RPS6KA1: variants seen among roughly 807,000 people sequenced by gnomAD.
The protein encoded by RPS6KA1 is ribosomal protein S6 kinase A1.
Under a neutral mutation model 91.3 loss-of-function variants are expected in RPS6KA1, and 48 were observed. The ratio of observed to expected loss-of-function variants is 0.53; its 90% CI spans 0.42 to 0.67. The LOEUF is 0.67. Ranked by LOEUF, RPS6KA1 falls within the 30% of genes least tolerant of loss-of-function variation. RPS6KA1 has a pLI of 0.00. For synonymous variants in RPS6KA1, 359 were observed against 384.7 expected (o/e 0.93, Z 0.78); for missense variants, 719 against 960.5 (o/e 0.75, Z 3.32).
intron 14 of RPS6KA1, among the ~76,000 whole-genome samples, chr1:26,559,526 C>G (rs2076135827): frequency 6.6e-6 from 1 of 151,554 alleles, no homozygotes; most frequent in Non-Finnish European, 1.5e-5. Context: ...ACCACCACAC[C>G]CAGCTAATTT....
chr1:26,550,269 GC>G (rs2076038065), intron 4 of RPS6KA1, among the ~76,000 whole-genome samples: 1 of 143,140 alleles, frequency 7.0e-6, no homozygotes, highest in Non-Finnish European at 1.5e-5. Flanking sequence ...TGCAACCTCC[GC>G]CTCCTGGGTT....
chr1:26,542,887 C>T (rs1356366773), intron 2 of RPS6KA1, among the ~76,000 whole-genome samples: 4 of 152,158 alleles, frequency 2.6e-5, no homozygotes, highest in Admixed American at 2.6e-4. Flanking sequence ...GCGTTATCGC[C>T]TTGTGACTTT....
chr1:26,571,828 C>T lies in RPS6KA1; in HGVS notation c.1753-21C>T. 6.2e-7 allele frequency: 1 copy of T among 1,604,724 alleles called. No homozygotes were observed. The highest frequency in any genetic ancestry group is 1.1e-5 in the South Asian group (1 of 90,852). ...TTCTACTGCCCCCCCAGACTGACCA[C>T]CTCCCCTGCCCTGTTGCCAGGTGCT... On this transcript the variant is annotated intron_variant, in intron 18 of 21. Transcript: ENST00000374168. The surrounding 1 kb of genome is among the most constrained non-coding windows in gnomAD (Gnocchi z 5.1).
intron 2 of RPS6KA1, among the ~76,000 whole-genome samples, chr1:26,546,351 A>T (rs1178599860): frequency 6.6e-6 from 1 of 152,190 alleles, no homozygotes; most frequent in Non-Finnish European, 1.5e-5. Flanking sequence ...GACCTGCCCC[A>T]GGCCAGCACT....
intron 17 of RPS6KA1, among the ~76,000 whole-genome samples, chr1:26,563,279 TGC>T (rs1212787181): frequency 6.6e-6 from 1 of 152,222 alleles, no homozygotes; most frequent in African/African-American, 2.4e-5. Context: ...CAGGCTGGAA[TGC>T]AGTGACACAA....
At chr1:26,530,639 C>A (rs538237052) in intron 1 of RPS6KA1, 1 of 728,168 alleles carries the variant, frequency 1.4e-6, no homozygotes, top group East Asian at 7.0e-5. Flanking sequence ...GACCTTGGTG[C>A]CTGCCTCCCT....
chr1:26,552,268 A>G (rs572114524), intron 6 of RPS6KA1, among the ~76,000 whole-genome samples: 5 of 151,272 alleles, frequency 3.3e-5, no homozygotes, highest in African/African-American at 9.7e-5. Context: ...TGTGCCTGTA[A>G]TCCCAGCTAC....
intron 21 of RPS6KA1, among the ~76,000 whole-genome samples, 180 bp from the exon 22 acceptor site, chr1:26,573,898 AT>A (rs2076272453): frequency 6.6e-6 from 1 of 151,508 alleles, no homozygotes; most frequent in Admixed American, 6.6e-5. Context: ...AGATTGTGCC[AT>A]TGCGTTCCAG....
At chr1:26,572,796 G>T (rs930052271) in intron 20 of RPS6KA1, among the ~76,000 whole-genome samples, 3 of 152,112 alleles carry the variant, frequency 2.0e-5, no homozygotes, top group Non-Finnish European at 4.4e-5. Context: ...CTCTATGTAC[G>T]GCCGGCCACC....
chr1:26,572,727 T>C (rs2076260408), intron 20 of RPS6KA1, among the ~76,000 whole-genome samples: 1 of 152,152 alleles, frequency 6.6e-6, no homozygotes, highest in Non-Finnish European at 1.5e-5. Flanking sequence ...CATGTGAGCT[T>C]TCAGTATTAG....
rs761395639 is a variant in RPS6KA1, at chr1:26,560,747, G to A, written c.1237G>A (p.Val413Ile). The change falls in exon 15 of 22, where the codon GTT (valine) becomes ATT (isoleucine). Residue 413 changes from valine (V) to isoleucine (I), a missense_variant. Physicochemically the swap from Val to Ile is conservative, Grantham distance 29. This residue lies in a region of RPS6KA1 where 228 missense variants were observed against 247.6 expected (regional missense o/e 0.92). Transcript: ENST00000374168. ...VVQQLHGKNL[V>I]FSDGYVVKET... Reference sequence around the variant, plus strand: ...ACAGCAACTCCATGGGAAGAACCTGGTTTTTAGTGACGGCTACGTGGTAAA... The same window carrying A: ...ACAGCAACTCCATGGGAAGAACCTGATTTTTAGTGACGGCTACGTGGTAAA... 22 of 1,614,096 alleles carry A rather than the reference G, an allele frequency of 1.4e-5. No homozygotes were observed. In the South Asian group the frequency reaches 2.4e-4, roughly 18 times the overall value.
rs559996196 is a variant in RPS6KA1, at chr1:26,573,427, G to T, written c.2085+66G>T. Reference sequence around the variant, plus strand: ...CCCAAGGTGGCATGGTCAGGGACTTGTGGAAGAGCCAGGCAATGCCATGTC... The same window carrying T: ...CCCAAGGTGGCATGGTCAGGGACTTTTGGAAGAGCCAGGCAATGCCATGTC... On this transcript the variant is annotated intron_variant, in intron 21 of 21. Coordinates refer to ENST00000374168, the MANE Select transcript of RPS6KA1 (RefSeq NM_002953.4). 407 of 1,584,406 alleles carry T rather than the reference G, an allele frequency of 2.6e-4. 1 individual carries two copies. Among genetic ancestry groups the T allele is most frequent in the Non-Finnish European group, 3.3e-4 (384 of 1,157,586 alleles).
At chr1:26,531,221 T>C (rs1473355199) in intron 1 of RPS6KA1, 1 of 155,724 alleles carries the variant, frequency 6.4e-6, no homozygotes, top group Non-Finnish European at 1.4e-5. Context: ...TTGGAGTAAA[T>C]TGCTCTGGGA....
Position 26,555,682 on chromosome 1 carries a change from C to A in RPS6KA1, c.916+57C>A. 6.7e-7 allele frequency: 1 copy of A among 1,497,704 alleles called. No individual in the cohort carries two copies. Among genetic ancestry groups the A allele is most frequent in the Non-Finnish European group, 9.1e-7 (1 of 1,097,198 alleles). The allele number at this position is 1,497,704 out of a possible 1,614,324, so 92.8% of individuals were successfully genotyped here. A position where few individuals can be genotyped will look rare whatever the true frequency, so the allele number is the denominator to read the frequency against. On this transcript the variant is annotated intron_variant, in intron 11 of 21. Coordinates refer to ENST00000374168, the MANE Select transcript of RPS6KA1 (RefSeq NM_002953.4). This position sits in a 1 kb window ranked among gnomAD's most constrained non-coding sequence, Gnocchi z 4.3. ...GGCGATGGGGAGCCGGGTACAGCTGCAGCCTAGGCCACAGGGCCACATCTG... is the reference window on the plus strand; with the variant it reads ...GGCGATGGGGAGCCGGGTACAGCTGAAGCCTAGGCCACAGGGCCACATCTG...
Position 26,561,141 on chromosome 1 carries a change from G to A in RPS6KA1, c.1431+7G>A. 6.2e-7 allele frequency: 1 copy of A among 1,611,634 alleles called. No individual in the cohort carries two copies. On this transcript the variant is annotated splice_region_variant and intron_variant, in intron 16 of 21. Coordinates refer to ENST00000374168, the MANE Select transcript of RPS6KA1 (RefSeq NM_002953.4). This position sits in a 1 kb window ranked among gnomAD's most constrained non-coding sequence, Gnocchi z 5.7. ...CATCATCACTCTGAAAGATGTGAGTGGGGGTCCTTAAGACTGGGGTGGGGA... is the reference window on the plus strand; with the variant it reads ...CATCATCACTCTGAAAGATGTGAGTAGGGGTCCTTAAGACTGGGGTGGGGA...
chr1:26,573,422 G>A, intron 21 of RPS6KA1, 61 bp downstream of exon 21: 2 of 1,598,968 alleles, frequency 1.3e-6, no homozygotes, highest in East Asian at 4.5e-5. Flanking sequence ...CATGGTCAGG[G>A]ACTTGTGGAA....
In RPS6KA1 at chr1:26,561,284, C is replaced by A; in HGVS notation, c.1431+150C>A. The A allele has an allele frequency of 1.1e-6, 1 of 910,378 alleles. No individual in the cohort carries two copies. Among genetic ancestry groups the A allele is most frequent in the Non-Finnish European group, 1.7e-6 (1 of 591,688 alleles). 56.4% of individuals were successfully genotyped at this position (910,378 alleles called of 1,614,324 possible). On this transcript the variant is annotated intron_variant, in intron 16 of 21. Transcript: ENST00000374168. The surrounding 1 kb of genome is among the most constrained non-coding windows in gnomAD (Gnocchi z 5.7). ...CCTTGGTCCCTTCAGTCTGCCCATA[C>A]CCCAAGGGCCCTCCTTCAGACTCAG...
In RPS6KA1 at chr1:26,558,850, C is replaced by T. The variant is rs774051532; in HGVS notation, c.1128C>T (p.Phe376=). The T allele has an allele frequency of 6.2e-7, 1 of 1,613,780 alleles. No individual in the cohort carries two copies. The highest frequency in any genetic ancestry group is 1.1e-5 in the South Asian group (1 of 91,058). ...CCAGCGCTGGGGCCCATCAGCTGTT[C>T]CGGGGCTTCAGCTTCGTGGCCACCG... is the stretch of plus-strand genomic sequence containing the variant. The part of the protein sequence containing the change: ...IPPSAGAHQL[F]RGFSFVATGL... Residue 376 remains phenylalanine (F), a synonymous_variant, in exon 14 of 22, where the codon TTC becomes TTT. Coordinates refer to ENST00000374168, the MANE Select transcript of RPS6KA1 (RefSeq NM_002953.4). The surrounding 1 kb of genome is among the most constrained non-coding windows in gnomAD (Gnocchi z 4.0).
Position 26,554,670 on chromosome 1 carries a change from GC to G in RPS6KA1, c.692del (p.Pro231LeufsTer21). On this transcript the variant is annotated frameshift_variant, in exon 9 of 22. Transcript: ENST00000374168. LOFTEE classifies it high-confidence loss of function. The surrounding 1 kb of genome is among the most constrained non-coding windows in gnomAD (Gnocchi z 4.6). ...TTTCTGCGGGACAGTGGAGTACATGGCCCCTGAGGTCGTCAACCGCCAGGGC... is the reference window on the plus strand; with the variant it reads ...TTTCTGCGGGACAGTGGAGTACATGGCCCTGAGGTCGTCAACCGCCAGGGC... ...YSFCGTVEYM[A>X]PEVVNRQGHS... The G allele has an allele frequency of 6.2e-7, 1 of 1,613,496 alleles. No individual in the cohort carries two copies. Among genetic ancestry groups the G allele is most frequent in the Non-Finnish European group, 8.5e-7 (1 of 1,179,512 alleles).
Sources: gnomAD v4.1 joint callset for allele counts (sites outside exome capture counted in the v4.1 genomes callset) on GRCh38, gnomAD v4.1.1 for gene constraint, gnomAD v4.1.1 regional missense constraint, Gnocchi (gnomAD v3.1) non-coding constraint, MANE v1.5 for transcripts, NCBI Gene and HGNC (gene_info 2026-07-23, HGNC 2026-07-21) for gene names.